The following SGCZ variants were observed in gnomAD, a reference collection of about 807,000 sequenced individuals.
SGCZ encodes sarcoglycan zeta.
A neutral mutation model predicts 41.3 loss-of-function variants in SGCZ; 40 were observed. The ratio of observed to expected loss-of-function variants is 0.97; its 90% CI spans 0.75 to 1.26. The LOEUF (loss-of-function observed/expected upper bound fraction) is 1.26, where lower values mean the gene tolerates loss of function less well. Ranked by LOEUF, SGCZ falls within the 50% of genes most tolerant of loss-of-function variation. The pLI is 0.00. For synonymous variants in SGCZ, 206 were observed against 137.5 expected (o/e 1.50, Z -3.49); for missense variants, 552 against 369.8 (o/e 1.49, Z -4.04).
chr8:15,030,473 G>A (rs1803620027), intron 1 of SGCZ, among the ~76,000 whole-genome samples: 1 of 152,036 alleles, frequency 6.6e-6, no homozygotes. Flanking sequence ...AAAAGTTTTA[G>A]GTGAAAATTT....
At chr8:14,730,286 G>C (rs1008953565) in intron 1 of SGCZ, among the ~76,000 whole-genome samples, 2 of 152,036 alleles carry the variant, frequency 1.3e-5, no homozygotes, top group African/African-American at 2.4e-5. Context: ...AAAAAATATA[G>C]ATATAGAGAA....
intron 1 of SGCZ, among the ~76,000 whole-genome samples, chr8:14,937,318 C>CATCA (rs2130814570): frequency 6.6e-6 from 1 of 152,062 alleles, no homozygotes; most frequent in East Asian, 1.9e-4. Context: ...AACTCACCAA[C>CATCA]ATCAAATAGT....
At chr8:14,335,242 T>G (rs1356295488) in intron 2 of SGCZ, among the ~76,000 whole-genome samples, 1 of 152,148 alleles carries the variant, frequency 6.6e-6, no homozygotes, top group East Asian at 1.9e-4. Context: ...GGAGTTTTAG[T>G]GTCTGAAGAT....
chr8:15,146,471 C>G (rs1491000759), intron 1 of SGCZ, among the ~76,000 whole-genome samples: 1 of 152,134 alleles, frequency 6.6e-6, no homozygotes, highest in African/African-American at 2.4e-5. Context: ...AGTCCTTGTT[C>G]TCTAGTGATC....
At chr8:15,236,759 C>A (rs1268682606) in intron 1 of SGCZ, among the ~76,000 whole-genome samples, 2 of 152,186 alleles carry the variant, frequency 1.3e-5, no homozygotes, top group Non-Finnish European at 2.9e-5. Flanking sequence ...TCCCTCCGGG[C>A]AGGCCCTCAC....
intron 4 of SGCZ, among the ~76,000 whole-genome samples, chr8:14,196,145 C>G (rs548258042): frequency 1.3e-5 from 2 of 151,848 alleles, no homozygotes; most frequent in African/African-American, 4.8e-5. Flanking sequence ...TATAATATCA[C>G]TTGAAGATGG....
chr8:14,800,741 T>A (rs1801295849), intron 1 of SGCZ, among the ~76,000 whole-genome samples: 1 of 151,884 alleles, frequency 6.6e-6, no homozygotes, highest in African/African-American at 2.4e-5. Context: ...TATGGAGGAG[T>A]GAGTCAATTA....
At chr8:15,145,629 CT>C (rs1799015821) in intron 1 of SGCZ, among the ~76,000 whole-genome samples, 1 of 152,038 alleles carries the variant, frequency 6.6e-6, no homozygotes, top group Non-Finnish European at 1.5e-5. Context: ...ATCTGATTTT[CT>C]TTTCTTCAGA....
chr8:15,215,019 T>A (rs1168693904), intron 1 of SGCZ, among the ~76,000 whole-genome samples: 1 of 152,206 alleles, frequency 6.6e-6, no homozygotes, highest in Non-Finnish European at 1.5e-5. Context: ...GCTTCTTTAA[T>A]TAAATGAGCA....
chr8:14,110,164 G>A (rs141749367), intron 5 of SGCZ, among the ~76,000 whole-genome samples: 4,024 of 152,180 alleles, frequency 0.026, 62 homozygotes, highest in Middle Eastern at 0.082. Context: ...TGTGATTATA[G>A]TGGGGATAGC....
chr8:14,238,445 G>C (rs894507550), intron 3 of SGCZ, among the ~76,000 whole-genome samples: 8 of 152,278 alleles, frequency 5.3e-5, no homozygotes, highest in African/African-American at 1.9e-4. Context: ...GATTTCACAA[G>C]GAAGTATATA....
At chr8:14,096,533 G>T (rs187677757) in intron 7 of SGCZ, among the ~76,000 whole-genome samples, 135 of 152,224 alleles carry the variant, frequency 8.9e-4, no homozygotes, top group African/African-American at 2.8e-3. Flanking sequence ...TTTTCGAATC[G>T]ATGTTCATCA....
chr8:14,847,426 T>C (rs2130644310), intron 1 of SGCZ, among the ~76,000 whole-genome samples: 1 of 151,932 alleles, frequency 6.6e-6, no homozygotes, highest in Admixed American at 6.5e-5. Flanking sequence ...TAACAATATA[T>C]GAGTAAGTTG....
intron 1 of SGCZ, among the ~76,000 whole-genome samples, chr8:14,722,754 CCTT>C (rs1482892080): frequency 2.0e-5 from 3 of 152,082 alleles, no homozygotes; most frequent in East Asian, 3.9e-4. Context: ...TGAGGGAAAA[CCTT>C]CTAGGCAGAG....
intron 1 of SGCZ, among the ~76,000 whole-genome samples, chr8:15,186,262 CAAAAAAAAAAAAAAAAAAAA>C (rs61237091): frequency 2.0e-4 from 16 of 80,716 alleles, no homozygotes; most frequent in Admixed American, 8.3e-4. Context: ...GATTCCGTAC[CAAAAAAAAAAAAAAAAAAAA>C]AAAAAAAAAA....
intron 1 of SGCZ, among the ~76,000 whole-genome samples, chr8:14,613,849 A>G (rs769508920): frequency 4.6e-5 from 7 of 152,198 alleles, no homozygotes; most frequent in East Asian, 1.9e-4. Context: ...AATTCACATT[A>G]TCTACATGCT....
At chr8:14,260,880 A>G (rs544876147) in intron 3 of SGCZ, among the ~76,000 whole-genome samples, 1 of 152,254 alleles carries the variant, frequency 6.6e-6, no homozygotes, top group African/African-American at 2.4e-5. Context: ...TCTCACTCAC[A>G]GGTGGGAATT....
chr8:14,097,805 G>T (rs1405619647), intron 7 of SGCZ, among the ~76,000 whole-genome samples: 1 of 152,088 alleles, frequency 6.6e-6, no homozygotes, highest in African/African-American at 2.4e-5. Flanking sequence ...AGGATACTTA[G>T]ATCTTCTTGT....
At chr8:14,396,990 A>T (rs7830092) in intron 2 of SGCZ, among the ~76,000 whole-genome samples, 25,592 of 152,172 alleles carry the variant, frequency 0.17, 5,076 homozygotes, top group African/African-American at 0.48. Flanking sequence ...TGTTGTTGAA[A>T]ATAAATGTTC....
Sources: gnomAD v4.1 joint callset for allele counts (sites outside exome capture counted in the v4.1 genomes callset) on GRCh38, gnomAD v4.1.1 for gene constraint, MANE v1.5 for transcripts, NCBI Gene and HGNC (gene_info 2026-07-23, HGNC 2026-07-21) for gene names.